The following MED15 variants were observed in gnomAD, a reference collection of about 807,000 sequenced individuals.
MED15 encodes mediator of RNA polymerase II transcription subunit 15.
Under a neutral mutation model 118.7 loss-of-function variants are expected in MED15, and 41 were observed. The ratio of observed to expected loss-of-function variants is 0.35; its 90% confidence interval spans 0.27 to 0.45. The LOEUF (loss-of-function observed/expected upper bound fraction) is 0.45, where lower values mean the gene tolerates loss of function less well. MED15 is among the 20% of genes least tolerant of loss of function. The probability of loss-of-function intolerance (pLI) is 1.00; values close to 1 mark genes in which losing one functional copy is unlikely to be tolerated. For missense variants in MED15, 740 were observed against 1,025.5 expected (o/e 0.72, Z 3.80); for synonymous variants, 436 against 413.9 (o/e 1.05, Z -0.65).
chr22:20,564,839 T>G, intron 6 of MED15, 151 bp downstream of exon 6: 1 of 1,381,016 alleles, frequency 7.2e-7, no homozygotes, highest in Non-Finnish European at 9.9e-7. Context: ...TCTCAAAAAG[T>G]CTGGGACAAG....
chr22:20,554,894 G>A (rs2055928086), intron 4 of MED15, 42 bp from the exon 5 acceptor site: 3 of 1,551,258 alleles, frequency 1.9e-6, no homozygotes, highest in Non-Finnish European at 8.7e-7. Context: ...GGTCAGTCTG[G>A]TAGGCCCTTT....
At chr22:20,552,066 G>T (rs890677983) in intron 3 of MED15, among the ~76,000 whole-genome samples, 1 of 152,166 alleles carries the variant, frequency 6.6e-6, no homozygotes, top group African/African-American at 2.4e-5. Context: ...TTGCATCCTA[G>T]GGCCAGGGTC....
intron 7 of MED15, 41 bp from the exon 8 acceptor site, chr22:20,568,480 C>G: frequency 1.2e-6 from 2 of 1,603,720 alleles, no homozygotes; most frequent in Non-Finnish European, 1.7e-6. Context: ...TGCTCTCTGA[C>G]CCAGGTGGTT....
chr22:20,537,070 T>C, intron 1 of MED15, 47 bp from the exon 2 acceptor site: 1 of 1,565,542 alleles, frequency 6.4e-7, no homozygotes, highest in Non-Finnish European at 8.8e-7. Flanking sequence ...CCTGCAGCGG[T>C]GGAGTCACTG....
intron 3 of MED15, 60 bp downstream of exon 3, chr22:20,551,547 C>T: frequency 1.3e-6 from 2 of 1,506,100 alleles, no homozygotes; most frequent in East Asian, 2.3e-5. Flanking sequence ...AGCCCTGACG[C>T]TGCCTCGGCA....
At chr22:20,509,693 C>T (rs2053997116) in intron 1 of MED15, among the ~76,000 whole-genome samples, 1 of 152,048 alleles carries the variant, frequency 6.6e-6, no homozygotes, top group Admixed American at 6.6e-5. Context: ...TAGCTATGGG[C>T]TTTGGGAAGA....
chr22:20,562,870 T>C (rs2056298077), intron 5 of MED15, among the ~76,000 whole-genome samples: 1 of 152,084 alleles, frequency 6.6e-6, no homozygotes, highest in African/African-American at 2.4e-5. Flanking sequence ...AGACTGTCTC[T>C]ATAAAAATTT....
In MED15 at chr22:20,568,650, A is replaced by T; in HGVS notation, c.1152+19A>T. On this transcript the variant is annotated intron_variant, in intron 8 of 17. Coordinates refer to ENST00000263205, the MANE Select transcript of MED15 (RefSeq NM_001003891.3). ...AGTCCAGGTGAGGGCCTGGGGGTGG[A>T]GGGCTCCATAGTCATCAGCAGGTGC... 6.2e-7 allele frequency: 1 copy of T among 1,609,238 alleles called. No individual in the cohort carries two copies. Among genetic ancestry groups the T allele is most frequent in the Non-Finnish European group, 8.5e-7 (1 of 1,178,284 alleles).
At chr22:20,511,988 C>CT (rs746240328) in intron 1 of MED15, among the ~76,000 whole-genome samples, 3,172 of 92,152 alleles carry the variant, frequency 0.034, 262 homozygotes, top group African/African-American at 0.14. Context: ...ACATTCTAAG[C>CT]TTTTTTTTTT....
At chr22:20,510,255 G>A (rs1246923093) in intron 1 of MED15, among the ~76,000 whole-genome samples, 5 of 152,050 alleles carry the variant, frequency 3.3e-5, no homozygotes, top group Admixed American at 6.6e-5. Flanking sequence ...GTGTGATGGC[G>A]CACACCTGTA....
chr22:20,579,448 C>T (rs17757688), intron 9 of MED15, among the ~76,000 whole-genome samples: 3,166 of 152,072 alleles, frequency 0.021, 41 homozygotes, highest in South Asian at 0.058. Context: ...GGGTGAGACC[C>T]GTGTTCCACT....
At position 20,568,562 on chromosome 22, in the gene MED15, C is replaced by G. The variant is rs1400961383; in HGVS notation, c.1083C>G (p.Pro361=). ...TGGTGCAGCAGCCCCCAGTGCAGCC[C>G]CAGGTGCAGCAGCAGCAGACAGCAG... ...PMVVQQPPVQ[P]QVQQQQTAVQ... is the part of the protein sequence containing the mutation. The change falls in exon 8 of 18, where the codon CCC becomes CCG. Residue 361 remains proline, a synonymous_variant. Transcript: ENST00000263205. The G allele has an allele frequency of 1.2e-6, 2 of 1,613,848 alleles. No homozygotes were observed. Among genetic ancestry groups the G allele is most frequent in the Non-Finnish European group, 8.5e-7 (1 of 1,180,000 alleles).
At chr22:20,543,032 A>G (rs2055371820) in intron 2 of MED15, among the ~76,000 whole-genome samples, 2 of 152,212 alleles carry the variant, frequency 1.3e-5, no homozygotes, top group South Asian at 2.1e-4. Flanking sequence ...TCCAATCTAA[A>G]TAGCCTGAGA....
At chr22:20,535,872 CTTTTTTTTTT>C (rs536712415) in intron 1 of MED15, among the ~76,000 whole-genome samples, 1 of 98,686 alleles carries the variant, frequency 1.0e-5, no homozygotes. Flanking sequence ...TTCTTTCTTT[CTTTTTTTTTT>C]TTTTTTTTTT....
At position 20,564,430 on chromosome 22, in the gene MED15, C is replaced by G. The variant is rs555413799; in HGVS notation, c.452-20C>G. On this transcript the variant is annotated intron_variant, in intron 5 of 17. Coordinates refer to ENST00000263205, the MANE Select transcript of MED15 (RefSeq NM_001003891.3). ...GGAATCTGCCCTGTGGACTGACTGG[C>G]GACTCTGGTCTTTTCTCAGCCCAGC... 4.7e-5 allele frequency: 76 copies of G among 1,612,858 alleles called. No individual in the cohort carries two copies. Among genetic ancestry groups the G allele is most frequent in the Non-Finnish European group, 6.3e-5 (74 of 1,179,310 alleles).
Position 20,584,426 on chromosome 22 carries a change from G to A in MED15, c.1803+1G>A, listed in dbSNP as rs1218188745. ...GAAACTCAAGAATGACATGGCGGTGGTGAGTGGGATGCCAGACACCCCTAG... is the reference window on the plus strand; with the variant it reads ...GAAACTCAAGAATGACATGGCGGTGATGAGTGGGATGCCAGACACCCCTAG... On this transcript the variant is annotated splice_donor_variant, in intron 14 of 17. Transcript: ENST00000263205. LOFTEE classifies it high-confidence loss of function. 1 of 1,613,556 alleles carries A rather than the reference G, an allele frequency of 6.2e-7. No individual in the cohort carries two copies. Among genetic ancestry groups the A allele is most frequent in the Non-Finnish European group, 8.5e-7 (1 of 1,179,778 alleles).
chr22:20,545,473 C>CAAAAAAAAAAAAAAA (rs56307139), intron 2 of MED15, among the ~76,000 whole-genome samples: 9 of 90,146 alleles, frequency 1.0e-4, no homozygotes, highest in East Asian at 6.3e-4. Context: ...GACTCCACCT[C>CAAAAAAAAAAAAAAA]AAAAAAAAAA....
At chr22:20,565,458 A>C (rs1366734005) in intron 6 of MED15, among the ~76,000 whole-genome samples, 1 of 152,188 alleles carries the variant, frequency 6.6e-6, no homozygotes, top group East Asian at 1.9e-4. Context: ...TGGTGATGTC[A>C]TGTTAGCAGC....
intron 2 of MED15, among the ~76,000 whole-genome samples, chr22:20,546,439 T>C (rs1260504561): frequency 7.9e-5 from 12 of 152,088 alleles, no homozygotes; most frequent in Admixed American, 7.9e-4. Context: ...TTTCCGATGG[T>C]TTCATCATTT....
Sources: gnomAD v4.1 joint callset for allele counts (sites outside exome capture counted in the v4.1 genomes callset) on GRCh38, gnomAD v4.1.1 for gene constraint, MANE v1.5 for transcripts, NCBI Gene and HGNC (gene_info 2026-07-23, HGNC 2026-07-21) for gene names.